Variants in CNTNAP2 observed in about 807,000 individuals in gnomAD.
CNTNAP2 encodes contactin-associated protein-like 2.
A neutral mutation model predicts 155.2 loss-of-function variants in CNTNAP2; 98 were observed. The observed-to-expected ratio is 0.63, with a 90% CI of 0.54 to 0.75. The LOEUF (loss-of-function observed/expected upper bound fraction) is 0.75. Ranked by LOEUF, CNTNAP2 falls within the 30% of genes least tolerant of loss-of-function variation. The pLI is 0.00. For missense variants in CNTNAP2, 1,727 were observed against 1,688.1 expected (o/e 1.02, Z -0.40); for synonymous variants, 651 against 631.2 (o/e 1.03, Z -0.47).
rs375199193 is a variant in CNTNAP2, at chr7:148,336,555, A to AG, written c.3476-47094_3476-47093insG. Among the ~76,000 whole-genome samples, 12 of 148,776 alleles carry AG rather than the reference A, an allele frequency of 8.1e-5. No homozygotes were observed. In the South Asian group the frequency reaches 1.7e-3, roughly 21 times the overall value. On this transcript the variant is annotated intron_variant, in intron 21 of 23. Coordinates refer to ENST00000361727, the MANE Select transcript of CNTNAP2 (RefSeq NM_014141.6). Reference sequence around the variant, plus strand: ...CCTGTTTGGTTGATGAAAAAGAAAAAAAAAAAAGCCAAAACTAAAAGGTAC... The same window carrying AG: ...CCTGTTTGGTTGATGAAAAAGAAAAAGAAAAAAAGCCAAAACTAAAAGGTAC...
chr7:146,481,382 A>T (rs1180045612), intron 1 of CNTNAP2, among the ~76,000 whole-genome samples: 1 of 152,206 alleles, frequency 6.6e-6, no homozygotes, highest in African/African-American at 2.4e-5. Flanking sequence ...GTTTAATGCC[A>T]TGTCAATCAC....
chr7:147,247,149 G>C (rs1804086453), intron 8 of CNTNAP2, among the ~76,000 whole-genome samples: 1 of 152,096 alleles, frequency 6.6e-6, no homozygotes, highest in Admixed American at 6.6e-5. Context: ...ATATTTTCTA[G>C]ATATTATTAT....
At chr7:147,382,834 G>C (rs906593834) in intron 9 of CNTNAP2, among the ~76,000 whole-genome samples, 9 of 152,086 alleles carry the variant, frequency 5.9e-5, no homozygotes, top group African/African-American at 1.9e-4. Flanking sequence ...GGAAAACCTC[G>C]AATGATGTAG....
intron 1 of CNTNAP2, among the ~76,000 whole-genome samples, chr7:146,563,161 A>T (rs191212887): frequency 5.3e-5 from 8 of 152,326 alleles, no homozygotes; most frequent in Admixed American, 3.9e-4. Context: ...CCTGGGCAAC[A>T]CAGACCCTCT....
chr7:146,496,963 C>T (rs1797224769), intron 1 of CNTNAP2, among the ~76,000 whole-genome samples: 1 of 152,168 alleles, frequency 6.6e-6, no homozygotes, highest in Admixed American at 6.5e-5. Context: ...TCAGAAACTT[C>T]CCATTGGAAT....
At chr7:147,762,155 TCACACACACA>T (rs72526174) in intron 13 of CNTNAP2, among the ~76,000 whole-genome samples, 12 of 144,446 alleles carry the variant, frequency 8.3e-5, no homozygotes, top group Non-Finnish European at 1.2e-4. Flanking sequence ...TCTCTCTGTC[TCACACACACA>T]CACACACACA....
intron 5 of CNTNAP2, among the ~76,000 whole-genome samples, chr7:147,118,984 G>A (rs1353763732): frequency 3.3e-5 from 5 of 152,084 alleles, no homozygotes; most frequent in Non-Finnish European, 7.4e-5. Context: ...TGTGCTACCA[G>A]GGGAAAATAG....
chr7:147,996,897 C>T (rs1801812407), intron 15 of CNTNAP2, among the ~76,000 whole-genome samples: 1 of 152,130 alleles, frequency 6.6e-6, no homozygotes, highest in Admixed American at 6.6e-5. Flanking sequence ...TATGTTGAAA[C>T]CTAATCACCC....
intron 23 of CNTNAP2, among the ~76,000 whole-genome samples, chr7:148,413,274 C>T (rs1585359341): frequency 2.7e-5 from 4 of 150,170 alleles, no homozygotes; most frequent in African/African-American, 9.8e-5. Flanking sequence ...CGCCTGTAAG[C>T]CCAGCTACTC....
At chr7:146,326,953 C>T (rs1317933634) in intron 1 of CNTNAP2, among the ~76,000 whole-genome samples, 1 of 152,004 alleles carries the variant, frequency 6.6e-6, no homozygotes, top group Non-Finnish European at 1.5e-5. Flanking sequence ...AATAAGTAAT[C>T]TGATATATTT....
chr7:146,655,301 C>G (rs1023707162), intron 1 of CNTNAP2, among the ~76,000 whole-genome samples: 2 of 150,030 alleles, frequency 1.3e-5, no homozygotes, highest in African/African-American at 2.5e-5. Flanking sequence ...GTAGTCCCAG[C>G]TACTCAGAAG....
chr7:147,319,166 G>A (rs1048742366), intron 9 of CNTNAP2, among the ~76,000 whole-genome samples: 10 of 151,984 alleles, frequency 6.6e-5, no homozygotes, highest in Non-Finnish European at 1.5e-4. Context: ...GTCCATAAAC[G>A]CAATGTGTCC....
chr7:146,860,725 A>G (rs1355136473), intron 3 of CNTNAP2, among the ~76,000 whole-genome samples: 2 of 152,126 alleles, frequency 1.3e-5, no homozygotes, highest in African/African-American at 2.4e-5. Context: ...TTATCAAATG[A>G]TTGAAAAAAA....
intron 12 of CNTNAP2, among the ~76,000 whole-genome samples, chr7:147,595,059 T>C (rs1041032093): frequency 1.3e-5 from 2 of 152,128 alleles, no homozygotes; most frequent in Non-Finnish European, 2.9e-5. Context: ...CTCCCCTCAC[T>C]TTCTGCTTGG....
In CNTNAP2 at chr7:148,201,436, C is replaced by T. The variant is rs1795368830; in HGVS notation, c.3011-15852C>T. ...TTCTAATATTGCTCAGCTCATTAGC[C>T]TTGAAATTTATAATTTAGTTTTTAC... On this transcript the variant is annotated intron_variant, in intron 18 of 23. Transcript: ENST00000361727. Among the ~76,000 whole-genome samples, 3 of 152,176 alleles carry T rather than the reference C, an allele frequency of 2.0e-5. No homozygotes were observed. In the South Asian group the frequency reaches 6.2e-4, roughly 32 times the overall value.
Position 147,132,279 on chromosome 7 carries a change from C to G in CNTNAP2, c.1118C>G (p.Thr373Arg). 6.2e-7 allele frequency: 1 copy of G among 1,613,686 alleles called. No individual in the cohort carries two copies. The highest frequency in any genetic ancestry group is 8.5e-7 in the Non-Finnish European group (1 of 1,179,766). ...NLSFSCVEPY[T>R]VPVFFNATSY... ...AGCTTTTCTTGTGTGGAACCCTATACGGTGCCTGTCTTTTTCAACGCTACA... is the reference window on the plus strand; with the variant it reads ...AGCTTTTCTTGTGTGGAACCCTATAGGGTGCCTGTCTTTTTCAACGCTACA... The change falls in exon 8 of 24, where the codon ACG becomes AGG. Residue 373 changes from threonine (T) to arginine (R), a missense_variant. By Grantham distance (71) the Thr-to-Arg change is moderately conservative. Coordinates refer to ENST00000361727, the MANE Select transcript of CNTNAP2 (RefSeq NM_014141.6).
At chr7:147,895,919 C>A (rs765449663) in intron 13 of CNTNAP2, among the ~76,000 whole-genome samples, 1 of 152,212 alleles carries the variant, frequency 6.6e-6, no homozygotes, top group African/African-American at 2.4e-5. Context: ...CTCTGGAATA[C>A]GTTTTTCTTA....
intron 15 of CNTNAP2, among the ~76,000 whole-genome samples, chr7:148,043,764 GTTAATTAT>G (rs1375057737): frequency 6.6e-6 from 1 of 152,150 alleles, no homozygotes; most frequent in Non-Finnish European, 1.5e-5. Flanking sequence ...AAACCCCTGT[GTTAATTAT>G]TCTTTCCTTA....
chr7:146,240,361 A>C (rs1377253791), intron 1 of CNTNAP2, among the ~76,000 whole-genome samples: 1 of 152,164 alleles, frequency 6.6e-6, no homozygotes, highest in African/African-American at 2.4e-5. Flanking sequence ...TCATATATGA[A>C]TAAATAAATG....
Sources: gnomAD v4.1 joint callset for allele counts (sites outside exome capture counted in the v4.1 genomes callset) on GRCh38, gnomAD v4.1.1 for gene constraint, MANE v1.5 for transcripts, NCBI Gene and HGNC (gene_info 2026-07-23, HGNC 2026-07-21) for gene names.